Variants in WWOX observed in about 807,000 individuals in gnomAD.
WWOX encodes the protein WW domain containing oxidoreductase.
In WWOX, 69 loss-of-function variants were observed where a neutral mutation model predicts 46.2. The ratio of observed to expected loss-of-function variants is 1.49; its 90% confidence interval spans 1.23 to 1.82. The LOEUF (loss-of-function observed/expected upper bound fraction) is 1.82. Among genes scored for constraint, WWOX ranks in the 40% most tolerant of loss-of-function variants. The probability of loss-of-function intolerance (pLI) is 0.00; values close to 1 mark genes in which losing one functional copy is unlikely to be tolerated. For missense variants in WWOX, 919 were observed against 542.6 expected (o/e 1.69, Z -6.89); for synonymous variants, 359 against 202.6 (o/e 1.77, Z -6.56).
chr16:78,800,923 C>G (rs1301397813), intron 8 of WWOX, among the ~76,000 whole-genome samples: 1 of 147,578 alleles, frequency 6.8e-6, no homozygotes, highest in Non-Finnish European at 1.5e-5. Flanking sequence ...CATTAAGCAT[C>G]AAACTCTCAA....
intron 8 of WWOX, among the ~76,000 whole-genome samples, chr16:78,565,449 T>C (rs183009055): frequency 6.6e-6 from 1 of 152,290 alleles, no homozygotes; most frequent in East Asian, 1.9e-4. Context: ...ACCAGCAGTT[T>C]AATATCATCA....
At chr16:78,832,518 C>G (rs1462414871) in intron 8 of WWOX, among the ~76,000 whole-genome samples, 1 of 152,192 alleles carries the variant, frequency 6.6e-6, no homozygotes, top group Non-Finnish European at 1.5e-5. Flanking sequence ...TATTCTAAGA[C>G]CACCACACTC....
intron 5 of WWOX, among the ~76,000 whole-genome samples, chr16:78,311,347 G>A (rs912995024): frequency 6.6e-6 from 1 of 152,186 alleles, no homozygotes; most frequent in Non-Finnish European, 1.5e-5. Context: ...ACAGAGTCAA[G>A]CTTGGAGAAT....
chr16:78,410,130 C>G (rs978116313), intron 6 of WWOX, among the ~76,000 whole-genome samples: 43 of 152,166 alleles, frequency 2.8e-4, no homozygotes, highest in Non-Finnish European at 2.2e-4. Flanking sequence ...TGCTCTTGCC[C>G]TCACCATGTT....
chr16:78,403,280 A>G (rs2082455158), intron 6 of WWOX, among the ~76,000 whole-genome samples: 1 of 152,198 alleles, frequency 6.6e-6, no homozygotes, highest in African/African-American at 2.4e-5. Flanking sequence ...CTGCATTAAA[A>G]CTGTATAAAG....
chr16:78,869,996 A>T (rs969594801), intron 8 of WWOX, among the ~76,000 whole-genome samples: 4 of 152,228 alleles, frequency 2.6e-5, no homozygotes, highest in African/African-American at 9.6e-5. Flanking sequence ...GACACAGATC[A>T]AAGTCTCTCC....
intron 8 of WWOX, among the ~76,000 whole-genome samples, chr16:78,744,505 C>T (rs181554854): frequency 9.8e-4 from 134 of 137,244 alleles, no homozygotes; most frequent in Admixed American, 3.6e-3. Flanking sequence ...AGTCTTGGCT[C>T]ATTGCAACAT....
chr16:78,982,683 G>A (rs571995722), intron 8 of WWOX, among the ~76,000 whole-genome samples: 35 of 152,068 alleles, frequency 2.3e-4, no homozygotes, highest in African/African-American at 8.0e-4. Context: ...ATTTTAGACC[G>A]GGCTCCTCAA....
intron 8 of WWOX, among the ~76,000 whole-genome samples, chr16:79,210,190 C>T (rs2051675092): frequency 6.6e-6 from 1 of 152,180 alleles, no homozygotes; most frequent in African/African-American, 2.4e-5. Context: ...AGTTTTCAGA[C>T]CAACTCCATT....
chr16:79,191,033 C>G (rs988808771), intron 8 of WWOX, among the ~76,000 whole-genome samples: 4 of 152,010 alleles, frequency 2.6e-5, no homozygotes, highest in Non-Finnish European at 5.9e-5. Flanking sequence ...CAAAGCATGA[C>G]TTCTTTTTTT....
Position 79,129,987 on chromosome 16 carries a change from G to A in WWOX, c.1057-81621G>A, listed in dbSNP as rs116524042. On this transcript the variant is annotated intron_variant, in intron 8 of 8. Coordinates refer to ENST00000566780, the MANE Select transcript of WWOX (RefSeq NM_016373.4). Reference sequence around the variant, plus strand: ...CCGTTTCCTCATCTGTAAAATAGAGGTAATAAAAACAGCTAATATTTACAG... The same window carrying A: ...CCGTTTCCTCATCTGTAAAATAGAGATAATAAAAACAGCTAATATTTACAG... 7.4e-3 allele frequency among the ~76,000 whole-genome samples: 1,126 copies of A among 152,300 alleles called. 8 individuals are homozygous for A. Among genetic ancestry groups the A allele is most frequent in the African/African-American group, 0.026 (1,062 of 41,544 alleles).
chr16:79,006,366 C>T (rs1415657179), intron 8 of WWOX, among the ~76,000 whole-genome samples: 2 of 152,096 alleles, frequency 1.3e-5, no homozygotes, highest in Non-Finnish European at 2.9e-5. Context: ...TGCATGGCAC[C>T]GGCAGAGGAT....
In WWOX at chr16:78,261,084, GT is replaced by G. The variant is rs990658834; in HGVS notation, c.516+96804del. Among the ~76,000 whole-genome samples, 6 of 150,272 alleles carry G rather than the reference GT, an allele frequency of 4.0e-5. 1 individual carries two copies. Among genetic ancestry groups the G allele is most frequent in the Middle Eastern group, 6.8e-3 (2 of 294 alleles). ...TTAAGTGAAATTATTGATATTCGAA[GT>G]TTTTTTTTGAATGTTTAAATCATTT... On this transcript the variant is annotated intron_variant, in intron 5 of 8. Transcript: ENST00000566780.
chr16:78,228,594 G>C (rs1411751349), intron 5 of WWOX, among the ~76,000 whole-genome samples: 1 of 152,030 alleles, frequency 6.6e-6, no homozygotes, highest in Non-Finnish European at 1.5e-5. Flanking sequence ...CTCCCACCTT[G>C]GCCTCCCAAA....
At chr16:79,099,149 G>T (rs935228078) in intron 8 of WWOX, among the ~76,000 whole-genome samples, 6 of 152,112 alleles carry the variant, frequency 3.9e-5, no homozygotes, top group African/African-American at 1.4e-4. Flanking sequence ...ATCACAGAGG[G>T]AGAACTCACT....
intron 8 of WWOX, among the ~76,000 whole-genome samples, chr16:78,712,968 G>A (rs1463633721): frequency 6.6e-6 from 1 of 152,060 alleles, no homozygotes; most frequent in African/African-American, 2.4e-5. Flanking sequence ...AAGAATAGCA[G>A]TTAGAAATAG....
At chr16:78,715,720 A>G (rs567736255) in intron 8 of WWOX, among the ~76,000 whole-genome samples, 6 of 152,244 alleles carry the variant, frequency 3.9e-5, no homozygotes, top group South Asian at 2.1e-4. Flanking sequence ...CAGGTGGTCT[A>G]TCCACCTTGG....
chr16:78,944,617 G>C (rs1435733898), intron 8 of WWOX, among the ~76,000 whole-genome samples: 1 of 152,134 alleles, frequency 6.6e-6, no homozygotes, highest in Non-Finnish European at 1.5e-5. Flanking sequence ...ATCATACTGG[G>C]ATCTTTGGAA....
intron 8 of WWOX, among the ~76,000 whole-genome samples, chr16:78,503,989 C>A (rs2085132777): frequency 6.6e-6 from 1 of 151,932 alleles, no homozygotes; most frequent in African/African-American, 2.4e-5. Context: ...TTTTTTTATT[C>A]CCTGGGTGTG....
Sources: gnomAD v4.1 joint callset for allele counts (sites outside exome capture counted in the v4.1 genomes callset) on GRCh38, gnomAD v4.1.1 for gene constraint, MANE v1.5 for transcripts, NCBI Gene and HGNC (gene_info 2026-07-23, HGNC 2026-07-21) for gene names.